Variants in LAMB4 observed in about 807,000 individuals in gnomAD.
LAMB4 encodes the protein laminin subunit beta-4.
Under a neutral mutation model 199.2 loss-of-function variants are expected in LAMB4, and 196 were observed. That is an observed-to-expected ratio of 0.98 (90% confidence interval 0.88 to 1.11). The LOEUF (loss-of-function observed/expected upper bound fraction) is 1.11. Ranked by LOEUF, LAMB4 falls within the 50% of genes least tolerant of loss-of-function variation. The pLI, the probability that LAMB4 is intolerant of heterozygous loss-of-function variation, is 0.00. For missense variants in LAMB4, 2,080 were observed against 2,171.2 expected, an observed-to-expected ratio of 0.96 and a Z score of 0.83; for synonymous variants, 744 against 770.6, an observed-to-expected ratio of 0.97 and a Z score of 0.57.
chr7:108,023,937 G>T lies in LAMB4; in HGVS notation c.*102C>A. 2 of 973,456 alleles carry T rather than the reference G, an allele frequency of 2.1e-6. No homozygotes were observed. The highest frequency in any genetic ancestry group is 2.9e-6 in the Non-Finnish European group (2 of 682,216). The allele number at this position is 973,456 out of a possible 1,614,324, so 60.3% of individuals were successfully genotyped here. ...ATAAGGACAGGGTGTGGGGAAGGAA[G>T]GTAGAAGACATTGTCAGTATTTCAC... On this transcript the variant is annotated 3_prime_UTR_variant, in exon 34 of 34. Transcript: ENST00000388781.
At chr7:108,072,115 G>A (rs2036553867) in intron 17 of LAMB4, among the ~76,000 whole-genome samples, 1 of 152,106 alleles carries the variant, frequency 6.6e-6, no homozygotes, top group Non-Finnish European at 1.5e-5. Context: ...TCAGAAACGT[G>A]GGACATTCTC....
chr7:108,087,078 A>G (rs1247759991), intron 14 of LAMB4, among the ~76,000 whole-genome samples: 1 of 152,178 alleles, frequency 6.6e-6, no homozygotes, highest in African/African-American at 2.4e-5. Flanking sequence ...GGAGAAAGCA[A>G]GTCCCCATGA....
At chr7:108,023,209 A>C (rs2150473642), downstream of LAMB4, among the ~76,000 whole-genome samples, 1 of 152,308 alleles carries the variant, frequency 6.6e-6, no homozygotes, top group East Asian at 1.9e-4. Flanking sequence ...TTTCTTATTC[A>C]AAAATGTGAA....
chr7:108,012,776 T>C, the LAMB4 span, among the ~76,000 whole-genome samples: 1 of 152,210 alleles, frequency 6.6e-6, no homozygotes, highest in Non-Finnish European at 1.5e-5. Context: ...CTCCACATTC[T>C]CAGTTTATCA....
intron 14 of LAMB4, among the ~76,000 whole-genome samples, chr7:108,087,282 T>G (rs1322298758): frequency 6.6e-6 from 1 of 152,192 alleles, no homozygotes. Context: ...GCAGGCTCCA[T>G]GTTTAAGTGT....
chr7:108,092,744 T>C (rs938618874), intron 12 of LAMB4, among the ~76,000 whole-genome samples: 3 of 151,980 alleles, frequency 2.0e-5, no homozygotes, highest in Non-Finnish European at 2.9e-5. Context: ...CCATCTCTAC[T>C]AAAAATACAA....
In LAMB4 at chr7:108,028,614, T is replaced by C. The variant is rs567094908; in HGVS notation, c.5146+429A>G. Among the ~76,000 whole-genome samples the C allele has an allele frequency of 2.2e-4, 34 of 151,816 alleles. 1 individual carries two copies. The South Asian group carries it at 7.1e-3, about 32-fold the overall frequency. On this transcript the variant is annotated intron_variant, in intron 33 of 33. Coordinates refer to ENST00000388781, the MANE Select transcript of LAMB4 (RefSeq NM_007356.3). ...GCCTCAGCCTCCCAAGTAGCTGGGA[T>C]TACAGGCACCCACCACCACGCCTGG...
chr7:108,126,257 C>A (rs1169588704), intron 1 of LAMB4, among the ~76,000 whole-genome samples: 1 of 152,154 alleles, frequency 6.6e-6, no homozygotes, highest in Non-Finnish European at 1.5e-5. Context: ...CCATCTTAAT[C>A]ATTTTTACCT....
In LAMB4 at chr7:108,065,857, G is replaced by C. The variant is rs1317551319; in HGVS notation, c.2741C>G (p.Pro914Arg). 4 of 1,613,842 alleles carry C rather than the reference G, an allele frequency of 2.5e-6. No individual in the cohort carries two copies. The highest frequency in any genetic ancestry group is 3.4e-6 in the Non-Finnish European group (4 of 1,179,868). The change falls in exon 21 of 34, where the codon CCA (proline) becomes CGA (arginine). Residue 914 changes from proline to arginine, a missense_variant. Transcript: ENST00000388781. ...ATACTGATTGCTTGAGGGATCATCT[G>C]GACACAGGCAAGGACGACAGGGCTG... Reference protein sequence around the residue: ...SGQPCRPCLCPDDPSSNQYFA... With the variant: ...SGQPCRPCLCRDDPSSNQYFA...
In LAMB4 at chr7:108,098,567, G is replaced by T. The variant is rs2037714228; in HGVS notation, c.1196C>A (p.Pro399His). 1 of 1,600,320 alleles carries T rather than the reference G, an allele frequency of 6.2e-7. No individual in the cohort carries two copies. The highest frequency in any genetic ancestry group is 2.2e-5 in the East Asian group (1 of 44,770). ...PYACIPCECD[P>H]DGTISGGICV... Reference sequence around the variant, plus strand: ...AATGCCACCAGATATGGTCCCATCGGGGTCACATTCACAAGCTGGGGACAC... The same window carrying T: ...AATGCCACCAGATATGGTCCCATCGTGGTCACATTCACAAGCTGGGGACAC... The change falls in exon 11 of 34, where the codon CCC becomes CAC. Residue 399 changes from proline (P) to histidine (H), a missense_variant. Coordinates refer to ENST00000388781, the MANE Select transcript of LAMB4 (RefSeq NM_007356.3).
At chr7:108,083,199 G>A (rs1046475750) in intron 14 of LAMB4, among the ~76,000 whole-genome samples, 3 of 152,194 alleles carry the variant, frequency 2.0e-5, no homozygotes, top group Non-Finnish European at 4.4e-5. Flanking sequence ...AAAGTGCTGA[G>A]GAGAATACTT....
At chr7:108,020,470 C>CAAAAAAAAAAAAA (rs57432162), downstream of LAMB4, among the ~76,000 whole-genome samples, 3 of 62,934 alleles carry the variant, frequency 4.8e-5, no homozygotes, top group Non-Finnish European at 7.7e-5. Context: ...GACTCCATCT[C>CAAAAAAAAAAAAA]AAAAAAAAAA....
chr7:108,107,685 T>C lies in LAMB4; in HGVS notation c.537A>G (p.Gly179=), dbSNP rs769706053. Reference sequence around the variant, plus strand: ...AGTATTTGGAGTCACAAACAATGTCTCCCACTCCCTGGGCCTGGCCAGATG... The same window carrying C: ...AGTATTTGGAGTCACAAACAATGTCCCCCACTCCCTGGGCCTGGCCAGATG... ...NITSGQAQGV[G]DIVCDSKYSD... Residue 179 remains glycine (G), a synonymous_variant, in exon 6 of 34, where the codon GGA becomes GGG. Transcript: ENST00000388781. 2.5e-6 allele frequency: 4 copies of C among 1,613,038 alleles called. No homozygotes were observed. The Admixed American group carries it at 6.7e-5, about 27-fold the overall frequency.
At chr7:108,024,782 C>A (rs1298804268) in intron 33 of LAMB4, among the ~76,000 whole-genome samples, 1 of 152,168 alleles carries the variant, frequency 6.6e-6, no homozygotes, top group Admixed American at 6.5e-5. Context: ...TCTATACATT[C>A]ATTTATATAG....
chr7:108,040,345 G>A (rs1235955192), intron 29 of LAMB4, among the ~76,000 whole-genome samples: 1 of 152,056 alleles, frequency 6.6e-6, no homozygotes, highest in East Asian at 1.9e-4. Context: ...CCAAAACAAT[G>A]TGCAGATTCA....
At chr7:108,070,150 A>C (rs774780789) in intron 17 of LAMB4, among the ~76,000 whole-genome samples, 3 of 152,152 alleles carry the variant, frequency 2.0e-5, no homozygotes, top group Non-Finnish European at 4.4e-5. Flanking sequence ...ATGTTTGTCT[A>C]GATTTGAAAG....
downstream of LAMB4, among the ~76,000 whole-genome samples, chr7:108,020,988 G>A (rs1028908240): frequency 1.3e-5 from 2 of 152,176 alleles, no homozygotes; most frequent in Non-Finnish European, 2.9e-5. Context: ...TAGGACCAGA[G>A]GGACCATGGA....
At chr7:108,071,353 CTA>C (rs1392444565) in intron 17 of LAMB4, among the ~76,000 whole-genome samples, 1 of 152,144 alleles carries the variant, frequency 6.6e-6, no homozygotes, top group Non-Finnish European at 1.5e-5. Flanking sequence ...CAGCACCCCC[CTA>C]ACTCCACACC....
the LAMB4 span, among the ~76,000 whole-genome samples, chr7:108,012,366 G>A: frequency 6.6e-6 from 1 of 152,100 alleles, no homozygotes; most frequent in Admixed American, 6.6e-5. Context: ...GGGGTTAAGG[G>A]GACTCTTGCC....
Sources: allele counts gnomAD v4.1 joint callset (sites outside exome capture counted in the v4.1 genomes callset), GRCh38; gene constraint gnomAD v4.1.1; transcripts MANE v1.5; gene names NCBI Gene and HGNC (gene_info 2026-07-23, HGNC 2026-07-21).